GMDS: variants seen among roughly 807,000 people sequenced by gnomAD.
GMDS encodes GDP-mannose 4,6 dehydratase.
Under a neutral mutation model 49.9 loss-of-function variants are expected in GMDS, and 20 were observed. That is an observed-to-expected ratio of 0.40 (90% CI 0.28 to 0.58). The LOEUF is 0.58. GMDS is among the 20% of genes least tolerant of loss of function. The pLI is 0.42. For missense variants in GMDS, 362 were observed against 481.4 expected (o/e 0.75, Z 2.32); for synonymous variants, 177 against 178.6 (o/e 0.99, Z 0.07).
intron 7 of GMDS, among the ~76,000 whole-genome samples, chr6:1,896,788 C>T (rs1002976189): frequency 6.6e-6 from 1 of 152,188 alleles, no homozygotes; most frequent in South Asian, 2.1e-4. Flanking sequence ...AACACAAGTG[C>T]CATCAAGCGT....
At chr6:2,081,155 T>TAAACTTTTGAAAGATG (rs1772669027) in intron 4 of GMDS, among the ~76,000 whole-genome samples, 1 of 152,134 alleles carries the variant, frequency 6.6e-6, no homozygotes, top group African/African-American at 2.4e-5. Context: ...TTCTATATTT[T>TAAACTTTTGAAAGATG]AAACTTTTGA....
intron 9 of GMDS, chr6:1,624,827 C>CT (rs551321002): frequency 0.039 from 3,220 of 83,272 alleles, 353 homozygotes; most frequent in Non-Finnish European, 0.051. Context: ...GCTCTTAATG[C>CT]TTTTTTTTTT....
intron 4 of GMDS, among the ~76,000 whole-genome samples, chr6:2,066,716 A>T (rs1771619145): frequency 6.6e-6 from 1 of 152,248 alleles, no homozygotes; most frequent in Non-Finnish European, 1.5e-5. Flanking sequence ...AGAGCTAACT[A>T]TCCTAAATAT....
chr6:2,047,027 A>AGAT (rs1331838705), intron 4 of GMDS, among the ~76,000 whole-genome samples: 3 of 152,232 alleles, frequency 2.0e-5, no homozygotes, highest in East Asian at 3.8e-4. Flanking sequence ...AAGCAGATTC[A>AGAT]TACACACAAA....
chr6:1,716,206 C>T (rs988923467), intron 9 of GMDS, among the ~76,000 whole-genome samples: 2 of 152,240 alleles, frequency 1.3e-5, no homozygotes, highest in African/African-American at 4.8e-5. Flanking sequence ...TAAGGATCCA[C>T]GTTTATGCTA....
At chr6:2,201,728 G>A (rs563555178) in intron 1 of GMDS, among the ~76,000 whole-genome samples, 485 of 121,086 alleles carry the variant, frequency 4.0e-3, no homozygotes, top group Middle Eastern at 9.5e-3. Flanking sequence ...TAGGCAGTGA[G>A]GGCAGCATGT....
rs557113072 is a variant in GMDS, at chr6:2,081,631, C to T, written c.345+34140G>A. Among the ~76,000 whole-genome samples, 24 of 152,198 alleles carry T rather than the reference C, an allele frequency of 1.6e-4. 1 individual carries two copies. The highest frequency in any genetic ancestry group is 4.4e-5 in the Non-Finnish European group (3 of 67,990). ...ATTTTAGCAATAAGATTAACCACAA[C>T]CCTGAAAGTCACAGGCCACAAGCCA... On this transcript the variant is annotated intron_variant, in intron 4 of 10. Coordinates refer to ENST00000380815, the MANE Select transcript of GMDS (RefSeq NM_001500.4).
chr6:2,046,756 A>G (rs1770043835), intron 4 of GMDS, among the ~76,000 whole-genome samples: 1 of 152,176 alleles, frequency 6.6e-6, no homozygotes. Flanking sequence ...TGTTTCTTGA[A>G]TTTGCACATC....
chr6:2,225,336 T>C (rs998388862), intron 1 of GMDS, among the ~76,000 whole-genome samples: 17 of 152,044 alleles, frequency 1.1e-4, no homozygotes, highest in African/African-American at 2.9e-4. Flanking sequence ...TCTCAATAAA[T>C]AAACAAACAA....
rs1766591126 is a variant in GMDS at position 1,999,959 on chromosome 6, T to TTATATATATTATATATATATTA, written c.346-38994_346-38993insTAATATATATATAATATATATA. On this transcript the variant is annotated intron_variant, in intron 4 of 10. Transcript: ENST00000380815. ...TTATATATAATATATAATATGTATA[T>TTATATATATTATATATATATTA]TATATATATATTATATATATATTTT... Among the ~76,000 whole-genome samples, 80 of 12,502 alleles carry TTATATATATTATATATATATTA rather than the reference T, an allele frequency of 6.4e-3. 5 individuals carry two copies. Among genetic ancestry groups the TTATATATATTATATATATATTA allele is most frequent in the Non-Finnish European group, 0.011 (65 of 5,924 alleles). The allele number at this position is 12,502 out of a possible 152,430, so 8.2% of individuals were successfully genotyped here.
intron 4 of GMDS, among the ~76,000 whole-genome samples, chr6:1,998,183 C>T (rs140373848): frequency 6.6e-6 from 1 of 152,080 alleles, no homozygotes; most frequent in African/African-American, 2.4e-5. Flanking sequence ...ACATAAATGT[C>T]ATATCCAGGA....
At chr6:2,005,426 A>G (rs1402616196) in intron 4 of GMDS, among the ~76,000 whole-genome samples, 4 of 152,154 alleles carry the variant, frequency 2.6e-5, no homozygotes, top group Admixed American at 2.0e-4. Flanking sequence ...AGACAAATTT[A>G]TGTGTCTTGG....
intron 4 of GMDS, among the ~76,000 whole-genome samples, chr6:2,025,459 T>C (rs1256281767): frequency 1.3e-5 from 2 of 150,488 alleles, no homozygotes; most frequent in Admixed American, 6.6e-5. Context: ...AAAATGTTCA[T>C]GTCAAGAAAA....
At chr6:1,645,989 C>T (rs1763470814) in intron 9 of GMDS, among the ~76,000 whole-genome samples, 1 of 152,222 alleles carries the variant, frequency 6.6e-6, no homozygotes, top group South Asian at 2.1e-4. Flanking sequence ...GGCACTGTGC[C>T]TGGCACGCAG....
chr6:1,917,699 C>T (rs1021388311), intron 7 of GMDS, among the ~76,000 whole-genome samples: 3 of 152,246 alleles, frequency 2.0e-5, no homozygotes, highest in African/African-American at 7.2e-5. Context: ...AAAGTAGGCG[C>T]AGCTCTGCTA....
chr6:2,208,274 A>T (rs981119657), intron 1 of GMDS, among the ~76,000 whole-genome samples: 9 of 152,194 alleles, frequency 5.9e-5, no homozygotes, highest in Admixed American at 3.3e-4. Context: ...AGATTAGAAA[A>T]GATTTATCCA....
intron 9 of GMDS, among the ~76,000 whole-genome samples, chr6:1,660,209 G>C (rs78545452): frequency 6.6e-6 from 1 of 152,104 alleles, no homozygotes; most frequent in African/African-American, 2.4e-5. Context: ...CATGGGATGG[G>C]CCAGGCAAAG....
chr6:2,067,450 C>T (rs1398653464), intron 4 of GMDS, among the ~76,000 whole-genome samples: 1 of 151,492 alleles, frequency 6.6e-6, no homozygotes, highest in Non-Finnish European at 1.5e-5. Context: ...CACAAAAAAC[C>T]CTTCAAAAAA....
chr6:2,024,511 T>C (rs1768465509), intron 4 of GMDS, among the ~76,000 whole-genome samples: 1 of 152,080 alleles, frequency 6.6e-6, no homozygotes, highest in South Asian at 2.1e-4. Flanking sequence ...ACATGGGAAG[T>C]AGCAGTTCAG....
Sources: allele counts gnomAD v4.1 joint callset (sites outside exome capture counted in the v4.1 genomes callset), GRCh38; gene constraint gnomAD v4.1.1; transcripts MANE v1.5; gene names NCBI Gene and HGNC (gene_info 2026-07-23, HGNC 2026-07-21).